Variants in NDEL1 observed in about 807,000 individuals in gnomAD.
The protein encoded by NDEL1 is nuclear distribution protein nudE-like 1.
A neutral mutation model predicts 45.7 loss-of-function variants in NDEL1; 9 were observed. The ratio of observed to expected loss-of-function variants is 0.20; its 90% CI spans 0.12 to 0.34. The LOEUF is 0.34. Ranked by LOEUF, NDEL1 falls within the 10% of genes least tolerant of loss-of-function variation. NDEL1 has a pLI of 1.00. For synonymous variants in NDEL1, 133 were observed against 158.6 expected (o/e 0.84, Z 1.21); for missense variants, 306 against 406.2 (o/e 0.75, Z 2.12).
chr17:8,422,428 C>G (rs1908726767), intron 1 of NDEL1, among the ~76,000 whole-genome samples: 1 of 151,708 alleles, frequency 6.6e-6, no homozygotes, highest in Admixed American at 6.6e-5. Flanking sequence ...CCTGCCTCAG[C>G]CTCCCAAGCA....
At chr17:8,419,657 A>G (rs1170042658) in intron 1 of NDEL1, among the ~76,000 whole-genome samples, 1 of 152,202 alleles carries the variant, frequency 6.6e-6, no homozygotes, top group Admixed American at 6.5e-5. Context: ...TCCACCATGT[A>G]TCTGCTTAGC....
At chr17:8,455,267 C>CT (rs1910756678) in intron 7 of NDEL1, among the ~76,000 whole-genome samples, 1 of 152,232 alleles carries the variant, frequency 6.6e-6, no homozygotes, top group Non-Finnish European at 1.5e-5. Flanking sequence ...GTTTGTGGGA[C>CT]TTTAACATTT....
chr17:8,463,545 A>G (rs368481604), intron 8 of NDEL1, among the ~76,000 whole-genome samples: 20 of 152,222 alleles, frequency 1.3e-4, no homozygotes, highest in African/African-American at 4.8e-4. Flanking sequence ...AGCTGTGAGA[A>G]ACAAGAACAA....
intron 3 of NDEL1, among the ~76,000 whole-genome samples, chr17:8,446,531 G>C (rs149435854): frequency 2.0e-4 from 30 of 152,328 alleles, no homozygotes; most frequent in African/African-American, 7.2e-4. Flanking sequence ...TCTTTTCAGA[G>C]AGATTGTTAT....
chr17:8,454,713 T>TA (rs1429685865), intron 6 of NDEL1, 83 bp from the exon 7 acceptor site: 6 of 962,782 alleles, frequency 6.2e-6, no homozygotes, highest in Non-Finnish European at 9.9e-6. Context: ...TATTGAGTGT[T>TA]ACACTACTTT....
chr17:8,414,524 G>A (rs557884725), intron 1 of NDEL1, among the ~76,000 whole-genome samples: 5 of 152,074 alleles, frequency 3.3e-5, no homozygotes, highest in South Asian at 4.1e-4. Context: ...AAAATTAGCC[G>A]GGCGTGGTGT....
At chr17:8,432,368 A>T (rs1909036615), upstream of NDEL1, among the ~76,000 whole-genome samples, 1 of 77,230 alleles carries the variant, frequency 1.3e-5, no homozygotes, top group South Asian at 4.1e-4. Flanking sequence ...AAATATATAT[A>T]TATTTAATGG....
rs556853340 is a variant in NDEL1 at position 8,452,006 on chromosome 17, G to T, written c.700+1053G>T. 1.2e-3 allele frequency among the ~76,000 whole-genome samples: 187 copies of T among 152,296 alleles called. 2 individuals are homozygous for T. Among genetic ancestry groups the T allele is most frequent in the African/African-American group, 4.1e-3 (169 of 41,564 alleles). On this transcript the variant is annotated intron_variant, in intron 6 of 8. Coordinates refer to ENST00000334527, the MANE Select transcript of NDEL1 (RefSeq NM_030808.5). Reference sequence around the variant, plus strand: ...ATTTCAAGTGCTCAGTAACCCTTGAGTAGGTAATTCAACTTGTCTTTGCCT... The same window carrying T: ...ATTTCAAGTGCTCAGTAACCCTTGATTAGGTAATTCAACTTGTCTTTGCCT...
chr17:8,424,657 A>T (rs1908783569), intron 1 of NDEL1, among the ~76,000 whole-genome samples: 1 of 151,930 alleles, frequency 6.6e-6, no homozygotes, highest in South Asian at 2.1e-4. Context: ...ACCCGCCAAC[A>T]TGCCTGGCTA....
chr17:8,448,754 C>G, intron 5 of NDEL1, 68 bp downstream of exon 5: 2 of 1,409,302 alleles, frequency 1.4e-6, no homozygotes, highest in Non-Finnish European at 9.6e-7. Context: ...TGTGGGCCCA[C>G]TTATACTCTG....
intron 8 of NDEL1, chr17:8,463,347 G>C: frequency 6.2e-7 from 1 of 1,613,022 alleles, no homozygotes; most frequent in East Asian, 2.2e-5. Context: ...TTCCCACGTT[G>C]TTCATGGGTA....
At chr17:8,428,629 C>T (rs1256787750) in intron 1 of NDEL1, among the ~76,000 whole-genome samples, 1 of 151,886 alleles carries the variant, frequency 6.6e-6, no homozygotes, top group South Asian at 2.1e-4. Context: ...TCCCAAAGTG[C>T]TGGGATTATA....
At chr17:8,415,495 C>T (rs1020875217) in intron 1 of NDEL1, among the ~76,000 whole-genome samples, 7 of 151,096 alleles carry the variant, frequency 4.6e-5, no homozygotes, top group East Asian at 1.9e-4. Context: ...AGTGCAGTGG[C>T]GCAATCACAG....
chr17:8,447,196 G>A (rs948407309), intron 4 of NDEL1, among the ~76,000 whole-genome samples: 2 of 152,182 alleles, frequency 1.3e-5, no homozygotes, highest in African/African-American at 4.8e-5. Context: ...AGTCTGGAGT[G>A]CAGTGGCATG....
chr17:8,432,996 G>A (rs959498542), upstream of NDEL1, among the ~76,000 whole-genome samples: 1 of 151,790 alleles, frequency 6.6e-6, no homozygotes, highest in Non-Finnish European at 1.5e-5. Context: ...CTCTTGACTG[G>A]TTCACTTTGC....
intron 8 of NDEL1, chr17:8,463,012 T>C: frequency 7.9e-6 from 2 of 253,088 alleles, no homozygotes; most frequent in Non-Finnish European, 1.5e-5. Flanking sequence ...CTTCTGCCAG[T>C]TCCTGAAACA....
intron 8 of NDEL1, among the ~76,000 whole-genome samples, 163 bp downstream of exon 8, chr17:8,460,323 A>G (rs1341420041): frequency 1.3e-5 from 2 of 152,156 alleles, no homozygotes; most frequent in East Asian, 1.9e-4. Context: ...GTTGTCCTCT[A>G]GTCCCCATGG....
rs891268101 is a variant in NDEL1, at chr17:8,450,322, A to T, written c.527-458A>T. ...AAAAAAACGCTCAATATTTGAAAGC[A>T]TGAGAAAAATTTAAACCGTTCTGAA... On this transcript the variant is annotated intron_variant, in intron 5 of 8. Coordinates refer to ENST00000334527, the MANE Select transcript of NDEL1 (RefSeq NM_030808.5). Among the ~76,000 whole-genome samples, 7 of 151,870 alleles carry T rather than the reference A, an allele frequency of 4.6e-5. No homozygotes were observed. In the South Asian group the frequency reaches 1.5e-3, roughly 32 times the overall value.
intron 1 of NDEL1, 184 bp from the exon 2 acceptor site, chr17:8,444,076 G>A (rs778554235): frequency 1.6e-5 from 8 of 503,264 alleles, no homozygotes; most frequent in Admixed American, 7.5e-5. Flanking sequence ...CACAATATTG[G>A]TGGTCCCTGA....
Sources: gnomAD v4.1 joint callset for allele counts (sites outside exome capture counted in the v4.1 genomes callset) on GRCh38, gnomAD v4.1.1 for gene constraint, MANE v1.5 for transcripts, NCBI Gene and HGNC (gene_info 2026-07-23, HGNC 2026-07-21) for gene names.